The following CADM2 variants were observed in gnomAD, a reference collection of about 807,000 sequenced individuals.
CADM2 encodes the protein immunoglobulin superfamily member 4D.
A neutral mutation model predicts 49.8 loss-of-function variants in CADM2; 12 were observed. The observed-to-expected ratio is 0.24, with a 90% CI of 0.15 to 0.39. The LOEUF is 0.39. Among genes scored for constraint, CADM2 ranks in the 10% least tolerant of loss-of-function variants. The pLI, the probability that CADM2 is intolerant of heterozygous loss-of-function variation, is 1.00. For missense variants in CADM2, 378 were observed against 492.3 expected, an observed-to-expected ratio of 0.77 and a Z score of 2.20; for synonymous variants, 214 against 175.4, an observed-to-expected ratio of 1.22 and a Z score of -1.74.
intron 3 of CADM2, among the ~76,000 whole-genome samples, chr3:85,808,480 T>G (rs936859318): frequency 6.6e-6 from 1 of 152,140 alleles, no homozygotes; most frequent in Non-Finnish European, 1.5e-5. Context: ...TGTCTGTTTC[T>G]CTGCAGGTGC....
chr3:85,357,718 G>A lies in CADM2; in HGVS notation c.62-368804G>A, dbSNP rs1319597757. Among the ~76,000 whole-genome samples the A allele has an allele frequency of 9.9e-5, 15 of 152,124 alleles. 1 individual carries two copies. The South Asian group carries it at 2.7e-3, about 27-fold the overall frequency. On this transcript the variant is annotated intron_variant, in intron 1 of 9. Transcript: ENST00000383699. Reference sequence around the variant, plus strand: ...GGCTCTCACATTTCAGGGCCTGGAAGGTAAGATAGTGTAAAACTTCCATGT... The same window carrying A: ...GGCTCTCACATTTCAGGGCCTGGAAAGTAAGATAGTGTAAAACTTCCATGT...
chr3:85,578,305 C>T (rs574815403), intron 1 of CADM2, among the ~76,000 whole-genome samples: 10 of 152,108 alleles, frequency 6.6e-5, no homozygotes, highest in Non-Finnish European at 1.5e-4. Context: ...AAATGAAAAT[C>T]AGAAGACACA....
chr3:85,582,576 A>C (rs2062828871), intron 1 of CADM2, among the ~76,000 whole-genome samples: 1 of 152,122 alleles, frequency 6.6e-6, no homozygotes, highest in African/African-American at 2.4e-5. Context: ...GTGTTCTTAC[A>C]TGGAAGATGG....
intron 1 of CADM2, among the ~76,000 whole-genome samples, chr3:85,462,170 G>A (rs1485754585): frequency 6.6e-6 from 1 of 152,034 alleles, no homozygotes; most frequent in Non-Finnish European, 1.5e-5. Context: ...ACCTACCCAG[G>A]AGGGTATGCC....
intron 1 of CADM2, among the ~76,000 whole-genome samples, chr3:85,670,571 ATCAAAT>A (rs1456958164): frequency 6.6e-6 from 1 of 152,164 alleles, no homozygotes; most frequent in African/African-American, 2.4e-5. Flanking sequence ...ATCTAAGCAA[ATCAAAT>A]TCAACTTCTC....
intron 2 of CADM2, among the ~76,000 whole-genome samples, chr3:85,737,920 A>G (rs2068212096): frequency 6.6e-6 from 1 of 152,122 alleles, no homozygotes; most frequent in Non-Finnish European, 1.5e-5. Context: ...CTACCAGCAG[A>G]ACAGGATTTC....
At chr3:85,768,612 T>C (rs1455468095) in intron 2 of CADM2, among the ~76,000 whole-genome samples, 1 of 148,676 alleles carries the variant, frequency 6.7e-6, no homozygotes, top group Non-Finnish European at 1.5e-5. Flanking sequence ...TAAAAAATCA[T>C]AATTTACTTC....
At chr3:85,002,487 C>T (rs1326976793) in intron 1 of CADM2, among the ~76,000 whole-genome samples, 3 of 152,086 alleles carry the variant, frequency 2.0e-5, no homozygotes, top group African/African-American at 7.2e-5. Flanking sequence ...ACTGTAAAGG[C>T]ATACAGATTC....
At chr3:85,544,287 A>G (rs1233873981) in intron 1 of CADM2, among the ~76,000 whole-genome samples, 3 of 152,156 alleles carry the variant, frequency 2.0e-5, no homozygotes, top group Non-Finnish European at 4.4e-5. Flanking sequence ...GATTTATATA[A>G]AAAAGAGGAG....
chr3:84,976,509 T>G (rs2107116887), intron 1 of CADM2, among the ~76,000 whole-genome samples: 1 of 151,926 alleles, frequency 6.6e-6, no homozygotes, highest in African/African-American at 2.4e-5. Flanking sequence ...AATCTATTGG[T>G]TATTTTATTA....
chr3:86,065,732 T>C lies in CADM2; in HGVS notation c.1096+2T>C. 6.2e-7 allele frequency: 1 copy of C among 1,612,778 alleles called. No individual in the cohort carries two copies. The highest frequency in any genetic ancestry group is 8.5e-7 in the Non-Finnish European group (1 of 1,179,528). On this transcript the variant is annotated splice_donor_variant, in intron 9 of 9. Coordinates refer to ENST00000383699, the MANE Select transcript of CADM2 (RefSeq NM_001167675.2). LOFTEE classifies it high-confidence loss of function. The stretch of plus-strand genomic sequence containing the variant: ...GTCGATATCTGGCAAGGCATAAAGG[T>C]ACGTTATATTTAGCCAGAGTACACA...
intron 8 of CADM2, among the ~76,000 whole-genome samples, chr3:86,033,028 T>G (rs1436080850): frequency 6.6e-6 from 1 of 151,838 alleles, no homozygotes; most frequent in Non-Finnish European, 1.5e-5. Context: ...AATCAAAACC[T>G]TTCCCCAAAT....
At chr3:85,431,207 TA>T in intron 1 of CADM2, among the ~76,000 whole-genome samples, 1 of 152,270 alleles carries the variant, frequency 6.6e-6, no homozygotes, top group East Asian at 1.9e-4. Flanking sequence ...AGGTGTGATG[TA>T]AGGGCATATT....
intron 7 of CADM2, among the ~76,000 whole-genome samples, chr3:85,945,386 C>T (rs1722536049): frequency 6.6e-6 from 1 of 152,054 alleles, no homozygotes; most frequent in Admixed American, 6.6e-5. Flanking sequence ...TGAAACTATT[C>T]CAATCAATAG....
At chr3:85,629,290 A>T (rs1330450980) in intron 1 of CADM2, among the ~76,000 whole-genome samples, 1 of 151,918 alleles carries the variant, frequency 6.6e-6, no homozygotes, top group East Asian at 1.9e-4. Flanking sequence ...CAGAACACTA[A>T]TTTTGTCAAC....
chr3:85,591,036 A>C lies in CADM2; in HGVS notation c.62-135486A>C, dbSNP rs950516107. Reference sequence around the variant, plus strand: ...CAGTATCTTTTGTGAGGAAAATAAGAGTTTGGTCAGAAGTGCTATCACTGG... The same window carrying C: ...CAGTATCTTTTGTGAGGAAAATAAGCGTTTGGTCAGAAGTGCTATCACTGG... On this transcript the variant is annotated intron_variant, in intron 1 of 9. Coordinates refer to ENST00000383699, the MANE Select transcript of CADM2 (RefSeq NM_001167675.2). Among the ~76,000 whole-genome samples, 11 of 151,838 alleles carry C rather than the reference A, an allele frequency of 7.2e-5. No individual in the cohort carries two copies. The South Asian group carries it at 1.7e-3, about 23-fold the overall frequency.
At chr3:85,694,312 G>A (rs1019457269) in intron 1 of CADM2, among the ~76,000 whole-genome samples, 1 of 152,162 alleles carries the variant, frequency 6.6e-6, no homozygotes, top group Admixed American at 6.5e-5. Context: ...TCATAAGGAT[G>A]GGAGCCTAAT....
chr3:85,809,607 C>G (rs1317115911), intron 3 of CADM2, among the ~76,000 whole-genome samples: 1 of 151,940 alleles, frequency 6.6e-6, no homozygotes, highest in African/African-American at 2.4e-5. Flanking sequence ...TTTCTTACGA[C>G]AAGTCTAATT....
intron 1 of CADM2, among the ~76,000 whole-genome samples, chr3:85,359,666 A>ATATATATATATATATATATATTTTTTTTT: frequency 8.7e-4 from 23 of 26,538 alleles, no homozygotes; most frequent in South Asian, 1.4e-3. Context: ...ATATATATAT[A>ATATATATATATATATATATATTTTTTTTT]TTTTTTTTTT....
Sources: gnomAD v4.1 joint callset for allele counts (sites outside exome capture counted in the v4.1 genomes callset) on GRCh38, gnomAD v4.1.1 for gene constraint, MANE v1.5 for transcripts, NCBI Gene and HGNC (gene_info 2026-07-23, HGNC 2026-07-21) for gene names.